PARD6G: variants seen among roughly 807,000 people sequenced by gnomAD.
The protein encoded by PARD6G is partitioning defective 6 homolog gamma.
PARD6G carries 7 observed loss-of-function variants against 10.7 expected under a neutral mutation model. The ratio of observed to expected loss-of-function variants is 0.66; its 90% CI spans 0.37 to 1.23. PARD6G has a LOEUF of 1.23. PARD6G is among the 50% of genes most tolerant of loss of function. The pLI is 0.02. For missense variants in PARD6G, 548 were observed against 571.8 expected, an observed-to-expected ratio of 0.96 and a Z score of 0.42; for synonymous variants, 287 against 269.4, an observed-to-expected ratio of 1.07 and a Z score of -0.64.
intron 2 of PARD6G, among the ~76,000 whole-genome samples, chr18:80,164,285 C>T (rs1292528430): frequency 1.3e-5 from 2 of 152,176 alleles, no homozygotes; most frequent in African/African-American, 4.8e-5. Flanking sequence ...CCTCTCCTCC[C>T]TCAAAACACT....
chr18:80,159,733 G>T lies in PARD6G; in HGVS notation c.*38C>A. 1 of 1,360,434 alleles carries T rather than the reference G, an allele frequency of 7.4e-7. No homozygotes were observed. The highest frequency in any genetic ancestry group is 1.9e-5 in the South Asian group (1 of 52,266). The allele number at this position is 1,360,434 out of a possible 1,614,324, so 84.3% of individuals were successfully genotyped here. Reference sequence around the variant, plus strand: ...TGCAGGTCCTGTCCCTGTCCTTACCGGGGAACTGGAGCTAGGATTTGGGGG... The same window carrying T: ...TGCAGGTCCTGTCCCTGTCCTTACCTGGGAACTGGAGCTAGGATTTGGGGG... On this transcript the variant is annotated 3_prime_UTR_variant, in exon 3 of 3. Coordinates refer to ENST00000353265, the MANE Select transcript of PARD6G (RefSeq NM_032510.4).
intron 2 of PARD6G, among the ~76,000 whole-genome samples, chr18:80,176,949 GCA>G (rs138412126): frequency 1.4e-5 from 2 of 143,304 alleles, no homozygotes; most frequent in Non-Finnish European, 3.0e-5. Flanking sequence ...AAGCATGCAT[GCA>G]CACACACACA....
chr18:80,243,200 T>C (rs1967508227), intron 1 of PARD6G, among the ~76,000 whole-genome samples: 1 of 151,972 alleles, frequency 6.6e-6, no homozygotes, highest in African/African-American at 2.4e-5. Context: ...GTGGAAAAAA[T>C]TGGGGTTAAC....
At chr18:80,205,026 G>A (rs113690412) in intron 1 of PARD6G, among the ~76,000 whole-genome samples, 6 of 152,084 alleles carry the variant, frequency 3.9e-5, no homozygotes, top group East Asian at 1.9e-4. Flanking sequence ...TCTAACCTAC[G>A]GTCTACATAC....
rs1482708453 is a variant in PARD6G, at chr18:80,188,928, T to A, written c.295+13782A>T. On this transcript the variant is annotated intron_variant, in intron 2 of 2. Transcript: ENST00000353265. The surrounding 1 kb of genome is among the most constrained non-coding windows in gnomAD (Gnocchi z 5.4). ...CTGAACACAAGAGTGACCTGGGGGG[T>A]GAATGCAGACATGGGAAGAGTAGTG... Among the ~76,000 whole-genome samples the A allele has an allele frequency of 4.0e-5, 6 of 151,576 alleles. No individual in the cohort carries two copies. In the East Asian group the frequency reaches 1.2e-3, roughly 30 times the overall value.
At chr18:80,168,490 G>A (rs1420281291) in intron 2 of PARD6G, among the ~76,000 whole-genome samples, 1 of 151,594 alleles carries the variant, frequency 6.6e-6, no homozygotes, top group African/African-American at 2.4e-5. Context: ...TTTCCACAAA[G>A]TAAACAATTC....
intron 1 of PARD6G, among the ~76,000 whole-genome samples, chr18:80,227,415 C>G (rs564235616): frequency 6.6e-6 from 1 of 152,318 alleles, no homozygotes; most frequent in South Asian, 2.1e-4. Flanking sequence ...GTGGACATTG[C>G]ATTTGCCATA....
At chr18:80,176,805 G>T (rs1025814795) in intron 2 of PARD6G, among the ~76,000 whole-genome samples, 1 of 152,098 alleles carries the variant, frequency 6.6e-6, no homozygotes, top group Non-Finnish European at 1.5e-5. Flanking sequence ...GGCAAAACAT[G>T]ATCTATGTAA....
intron 1 of PARD6G, among the ~76,000 whole-genome samples, chr18:80,233,326 C>T (rs1175101720): frequency 6.6e-6 from 1 of 152,172 alleles, no homozygotes; most frequent in South Asian, 2.1e-4. Context: ...CTGGAACCGG[C>T]GGGTCTCACA....
intron 1 of PARD6G, among the ~76,000 whole-genome samples, chr18:80,224,539 G>T (rs1193545620): frequency 6.6e-6 from 1 of 152,136 alleles, no homozygotes; most frequent in African/African-American, 2.4e-5. Context: ...TAAATCATAA[G>T]CTTCCCAATT....
At chr18:80,234,156 T>C (rs1568443987) in intron 1 of PARD6G, among the ~76,000 whole-genome samples, 1 of 152,120 alleles carries the variant, frequency 6.6e-6, no homozygotes, top group African/African-American at 2.4e-5. Context: ...ATTGTCCAAC[T>C]TTCATTGTAC....
At chr18:80,238,450 C>T (rs773889128) in intron 1 of PARD6G, among the ~76,000 whole-genome samples, 10 of 151,442 alleles carry the variant, frequency 6.6e-5, no homozygotes, top group Non-Finnish European at 1.5e-4. Context: ...ATGTAACAAA[C>T]CTGCATGTTG....
At chr18:80,187,062 A>T (rs969605442) in intron 2 of PARD6G, among the ~76,000 whole-genome samples, 2 of 151,112 alleles carry the variant, frequency 1.3e-5, no homozygotes, top group African/African-American at 4.9e-5. Flanking sequence ...GCGCCACTGC[A>T]CTCCAGCCTG....
chr18:80,163,276 A>C (rs2052713146), intron 2 of PARD6G, among the ~76,000 whole-genome samples: 1 of 152,152 alleles, frequency 6.6e-6, no homozygotes, highest in African/African-American at 2.4e-5. Context: ...GGTTTTATGC[A>C]GGGCAGGTGA....
rs1272922338 is a variant in PARD6G at position 80,210,419 on chromosome 18, C to T, written c.73-7487G>A. 4.6e-5 allele frequency among the ~76,000 whole-genome samples: 7 copies of T among 152,312 alleles called. No individual in the cohort carries two copies. In the East Asian group the frequency reaches 9.6e-4, roughly 21 times the overall value. On this transcript the variant is annotated intron_variant, in intron 1 of 2. Transcript: ENST00000353265. ...TGCGGTGCTTTCACTTCCTATCCAC[C>T]TCTCAACTGTGAAATCCAGCAGCCT...
chr18:80,199,425 T>C (rs1226801087), intron 2 of PARD6G, among the ~76,000 whole-genome samples: 1 of 152,212 alleles, frequency 6.6e-6, no homozygotes, highest in East Asian at 1.9e-4. Flanking sequence ...TTTTTATCCA[T>C]TTATCAGCTG....
chr18:80,196,153 A>G (rs1241425240), intron 2 of PARD6G, among the ~76,000 whole-genome samples: 3 of 152,204 alleles, frequency 2.0e-5, no homozygotes, highest in Non-Finnish European at 2.9e-5. Flanking sequence ...TGTGTAACTG[A>G]TATGTCCACC....
chr18:80,191,784 A>G (rs1966900596), intron 2 of PARD6G, among the ~76,000 whole-genome samples: 1 of 152,208 alleles, frequency 6.6e-6, no homozygotes, highest in Non-Finnish European at 1.5e-5. Flanking sequence ...GAGGACCTTT[A>G]AAACTCCTTC....
At chr18:80,208,719 A>G (rs1377517456) in intron 1 of PARD6G, among the ~76,000 whole-genome samples, 1 of 152,100 alleles carries the variant, frequency 6.6e-6, no homozygotes, top group Non-Finnish European at 1.5e-5. Flanking sequence ...CCTGGGCAAC[A>G]TAGCAAGACC....
Sources: gnomAD v4.1 joint callset for allele counts (sites outside exome capture counted in the v4.1 genomes callset) on GRCh38, gnomAD v4.1.1 for gene constraint, Gnocchi (gnomAD v3.1) non-coding constraint, MANE v1.5 for transcripts, NCBI Gene and HGNC (gene_info 2026-07-23, HGNC 2026-07-21) for gene names.